MGST1: variants seen among roughly 807,000 people sequenced by gnomAD.
MGST1 encodes microsomal glutathione S-transferase 1, also known as glutathione S-transferase 12.
A neutral mutation model predicts 8.9 loss-of-function variants in MGST1; 5 were observed. That is an observed-to-expected ratio of 0.56 (90% confidence interval 0.29 to 1.19). The LOEUF (loss-of-function observed/expected upper bound fraction) is 1.19. Ranked by LOEUF, MGST1 falls within the 50% of genes most tolerant of loss-of-function variation. MGST1 has a pLI of 0.08. For missense variants in MGST1, 182 were observed against 187.4 expected, an observed-to-expected ratio of 0.97 and a Z score of 0.17; for synonymous variants, 54 against 67.8, an observed-to-expected ratio of 0.80 and a Z score of 1.00.
rs1941844503 is a variant in MGST1, at chr12:16,547,818, CTGAAG to C, written n.483-41705_483-41701del. 6.6e-6 allele frequency among the ~76,000 whole-genome samples: 1 copy of C among 152,132 alleles called. No individual in the cohort carries two copies. ...ACATGCAGATTGTTTTTGCAACTTA[CTGAAG>C]TGAACACTAAACATGTTTGGCCTAC... On this transcript the variant is annotated intron_variant and non_coding_transcript_variant, in intron 4 of 4. Coordinates refer to the MGST1 transcript ENST00000538857. This position sits in a 1 kb window ranked among gnomAD's most constrained non-coding sequence, Gnocchi z 4.6.
rs943106807 is a variant in MGST1 at position 16,544,597 on chromosome 12, T to A, written n.483-44931T>A. On this transcript the variant is annotated intron_variant and non_coding_transcript_variant, in intron 4 of 4. Coordinates refer to the MGST1 transcript ENST00000538857. This position sits in a 1 kb window ranked among gnomAD's most constrained non-coding sequence, Gnocchi z 4.8. ...AATCAGTTCAGAAGTGGTCCAGTAATTTGTGTGAGAAAAAGAATTAGCCAA... is the reference window on the plus strand; with the variant it reads ...AATCAGTTCAGAAGTGGTCCAGTAAATTGTGTGAGAAAAAGAATTAGCCAA... Among the ~76,000 whole-genome samples the A allele has an allele frequency of 1.3e-5, 2 of 152,040 alleles. No homozygotes were observed. The highest frequency in any genetic ancestry group is 1.9e-4 in the East Asian group (1 of 5,190).
intron 4 of MGST1, among the ~76,000 whole-genome samples, chr12:16,454,872 C>A (rs7965117): frequency 0.61 from 6,297 of 10,314 alleles, 1,754 homozygotes; most frequent in East Asian, 0.82. Flanking sequence ...TTAAGTAGAC[C>A]AAAAAAAAAA....
intron 1 of MGST1, among the ~76,000 whole-genome samples, chr12:16,422,391 G>C (rs150006618): frequency 1.2e-3 from 186 of 152,290 alleles, no homozygotes; most frequent in African/African-American, 3.8e-3. Context: ...CTCAGTGGAA[G>C]TCCATTTTCA....
intron 3 of MGST1, among the ~76,000 whole-genome samples, chr12:16,359,416 G>GCA (rs1263219485): frequency 6.6e-6 from 1 of 152,166 alleles, no homozygotes; most frequent in Non-Finnish European, 1.5e-5. Flanking sequence ...CAGATACTTA[G>GCA]CACAAAATTT....
chr12:16,579,495 T>A (rs375862220), intron 4 of MGST1, among the ~76,000 whole-genome samples: 2 of 152,224 alleles, frequency 1.3e-5, no homozygotes, highest in African/African-American at 4.8e-5. Context: ...CCAACGCAGA[T>A]GTATAAGTGA....
chr12:16,560,272 G>A lies in MGST1; in HGVS notation n.483-29256G>A, dbSNP rs1032778215. The A allele has an allele frequency of 8.4e-6, 7 of 836,194 alleles. No individual in the cohort carries two copies. Among genetic ancestry groups the A allele is most frequent in the African/African-American group, 1.7e-5 (1 of 57,996 alleles). The allele number at this position is 836,194 out of a possible 1,614,324, so 51.8% of individuals were successfully genotyped here. On this transcript the variant is annotated intron_variant and non_coding_transcript_variant, in intron 4 of 4. Transcript: ENST00000538857. The surrounding 1 kb of genome is among the most constrained non-coding windows in gnomAD (Gnocchi z 5.0). ...TTCTTCTCCTTAGTAGCTTGTCTCTGGCATGGGATTAAAGTTTACAGAACA... is the reference window on the plus strand; with the variant it reads ...TTCTTCTCCTTAGTAGCTTGTCTCTAGCATGGGATTAAAGTTTACAGAACA...
At chr12:16,516,154 G>A (rs61915305) in intron 4 of MGST1, among the ~76,000 whole-genome samples, 50,536 of 152,032 alleles carry the variant, frequency 0.33, 8,980 homozygotes, top group Non-Finnish European at 0.41. Context: ...TCTGGCTTAC[G>A]AGGTCTGTAT....
At chr12:16,350,203 C>A (rs1468045032) in intron 1 of MGST1, among the ~76,000 whole-genome samples, 1 of 152,034 alleles carries the variant, frequency 6.6e-6, no homozygotes, top group Non-Finnish European at 1.5e-5. Flanking sequence ...CAATCTAGTT[C>A]CAGAGTTTTG....
chr12:16,443,784 G>C (rs1941057126), intron 4 of MGST1, among the ~76,000 whole-genome samples: 1 of 151,580 alleles, frequency 6.6e-6, no homozygotes, highest in Admixed American at 6.6e-5. Context: ...TATTTCTCTT[G>C]GTCTCTATTC....
chr12:16,532,147 C>A (rs1346404784), intron 4 of MGST1, among the ~76,000 whole-genome samples: 1 of 152,136 alleles, frequency 6.6e-6, no homozygotes, highest in Non-Finnish European at 1.5e-5. Flanking sequence ...GAACTTCTAG[C>A]AGGTGTCGAG....
intron 1 of MGST1, among the ~76,000 whole-genome samples, chr12:16,414,658 A>C (rs1012494788): frequency 2.6e-5 from 4 of 151,884 alleles, no homozygotes; most frequent in Admixed American, 1.3e-4. Flanking sequence ...CTCGTGATCC[A>C]CCCACCTTGG....
intron 1 of MGST1, among the ~76,000 whole-genome samples, chr12:16,352,924 T>C (rs1454295572): frequency 6.6e-6 from 1 of 152,150 alleles, no homozygotes; most frequent in Non-Finnish European, 1.5e-5. Context: ...TGATGACAAT[T>C]GTGATAAGGA....
At chr12:16,402,574 C>T (rs1651443084) in intron 1 of MGST1, among the ~76,000 whole-genome samples, 1 of 152,038 alleles carries the variant, frequency 6.6e-6, no homozygotes, top group South Asian at 2.1e-4. Context: ...TGTATAGTAC[C>T]ATTTTCTTTT....
At chr12:16,507,871 G>A (rs931464356) in intron 4 of MGST1, among the ~76,000 whole-genome samples, 1 of 152,094 alleles carries the variant, frequency 6.6e-6, no homozygotes, top group Non-Finnish European at 1.5e-5. Flanking sequence ...AGATTTGGGT[G>A]GGGACACAGA....
In MGST1 at chr12:16,401,535, C is replaced by G. The variant is rs1940655618; in HGVS notation, n.778+17931C>G. 2 of 1,010,732 alleles carry G rather than the reference C, an allele frequency of 2.0e-6. No homozygotes were observed. Among genetic ancestry groups the G allele is most frequent in the East Asian group, 2.4e-5 (1 of 42,190 alleles). The allele number at this position is 1,010,732 out of a possible 1,614,324, so 62.6% of individuals were successfully genotyped here. A position where few individuals can be genotyped will look rare whatever the true frequency, so the allele number is the denominator to read the frequency against. ...AAAAGTTGTAATTTTCTTGAACTTC[C>G]TGAGGAGGATCAGCCATCAAAGTGC... On this transcript the variant is annotated intron_variant and non_coding_transcript_variant, in intron 1 of 1. Coordinates refer to the MGST1 transcript ENST00000359720. The surrounding 1 kb of genome is among the most constrained non-coding windows in gnomAD (Gnocchi z 4.3).
chr12:16,539,927 G>A (rs1941782956), intron 4 of MGST1, among the ~76,000 whole-genome samples: 1 of 152,182 alleles, frequency 6.6e-6, no homozygotes, highest in African/African-American at 2.4e-5. Context: ...ACTAGTTTAA[G>A]TTCCTTTAAC....
intron 4 of MGST1, among the ~76,000 whole-genome samples, chr12:16,474,111 G>A (rs939981834): frequency 2.0e-5 from 3 of 152,180 alleles, no homozygotes; most frequent in Non-Finnish European, 4.4e-5. Flanking sequence ...TACTGACTGT[G>A]AATGTAGACA....
intron 4 of MGST1, among the ~76,000 whole-genome samples, chr12:16,478,793 A>G (rs1210704535): frequency 6.6e-6 from 1 of 152,126 alleles, no homozygotes; most frequent in Non-Finnish European, 1.5e-5. Flanking sequence ...GAGTCTCTTA[A>G]ATGTTTTTTT....
At chr12:16,394,133 A>T (rs1940577837) in intron 1 of MGST1, among the ~76,000 whole-genome samples, 1 of 152,246 alleles carries the variant, frequency 6.6e-6, no homozygotes, top group African/African-American at 2.4e-5. Flanking sequence ...CTTCCACAGA[A>T]GTGTGAGAGT....
Sources: allele counts gnomAD v4.1 joint callset (sites outside exome capture counted in the v4.1 genomes callset), GRCh38; gene constraint gnomAD v4.1.1; non-coding constraint Gnocchi (gnomAD v3.1); transcripts MANE v1.5; gene names NCBI Gene and HGNC (gene_info 2026-07-23, HGNC 2026-07-21).